PLXDC1: variants seen among roughly 807,000 people sequenced by gnomAD.
PLXDC1 encodes the protein plexin domain containing 1, also known as plexin domain-containing protein 1.
Under a neutral mutation model 61.3 loss-of-function variants are expected in PLXDC1, and 39 were observed. The observed-to-expected ratio is 0.64, with a 90% CI of 0.49 to 0.83. The LOEUF is 0.83. Among genes scored for constraint, PLXDC1 ranks in the 40% least tolerant of loss-of-function variants. The probability of loss-of-function intolerance (pLI) is 0.00; values close to 1 mark genes in which losing one functional copy is unlikely to be tolerated. For synonymous variants in PLXDC1, 212 were observed against 254.5 expected (o/e 0.83, Z 1.59); for missense variants, 596 against 666.5 (o/e 0.89, Z 1.17).
chr17:39,147,019 G>A (rs1199860838), intron 1 of PLXDC1, among the ~76,000 whole-genome samples: 1 of 132,198 alleles, frequency 7.6e-6, no homozygotes, highest in South Asian at 2.5e-4. Context: ...GTAGTGGCAC[G>A]ATCTCGGCTC....
chr17:39,110,137 A>G (rs1910748095), intron 2 of PLXDC1, among the ~76,000 whole-genome samples: 1 of 152,062 alleles, frequency 6.6e-6, no homozygotes, highest in Admixed American at 6.6e-5. Context: ...AAAGAAGGAG[A>G]AAAATCTGGA....
In PLXDC1 at chr17:39,150,874, A is replaced by G. The variant is rs1386617273; in HGVS notation, c.76+488T>C. Among the ~76,000 whole-genome samples, 38 of 152,342 alleles carry G rather than the reference A, an allele frequency of 2.5e-4. 1 individual carries two copies. The highest frequency in any genetic ancestry group is 2.9e-5 in the Non-Finnish European group (2 of 68,030). On this transcript the variant is annotated intron_variant, in intron 1 of 13. Coordinates refer to ENST00000315392, the MANE Select transcript of PLXDC1 (RefSeq NM_020405.5). ...CCGAATGGCTGCTGCCTTCCCAGGC[A>G]GAGACGCTGTGTCCCCACCATCCCC...
chr17:39,066,058 T>G lies in PLXDC1; in HGVS notation c.*1782A>C, dbSNP rs1211770089. 6.6e-6 allele frequency: 1 copy of G among 152,254 alleles called. No homozygotes were observed. Among genetic ancestry groups the G allele is most frequent in the Non-Finnish European group, 1.5e-5 (1 of 68,078 alleles). The allele number at this position is 152,254 out of a possible 1,614,324, so 9.4% of individuals were successfully genotyped here. A position where few individuals can be genotyped will look rare whatever the true frequency, so the allele number is the denominator to read the frequency against. ...GCTTTGCCTCTCAACAGAATCCACCTGCAGTTCCCTGCTAGGTATGTCTCA... is the reference window on the plus strand; with the variant it reads ...GCTTTGCCTCTCAACAGAATCCACCGGCAGTTCCCTGCTAGGTATGTCTCA... On this transcript the variant is annotated 3_prime_UTR_variant, in exon 14 of 14. Coordinates refer to ENST00000315392, the MANE Select transcript of PLXDC1 (RefSeq NM_020405.5).
intron 1 of PLXDC1, 36 bp from the exon 2 acceptor site, chr17:39,139,868 T>C: frequency 6.4e-7 from 1 of 1,562,744 alleles, no homozygotes; most frequent in Non-Finnish European, 8.7e-7. Context: ...GTGCCAGCAG[T>C]CCGGAATGAA....
At position 39,065,112 on chromosome 17, in the gene PLXDC1, C is replaced by CT. The variant is rs1420867911; in HGVS notation, c.*2727dup. 1.3e-5 allele frequency: 2 copies of CT among 152,218 alleles called. No individual in the cohort carries two copies. The highest frequency in any genetic ancestry group is 2.9e-5 in the Non-Finnish European group (2 of 68,062). The allele number at this position is 152,218 out of a possible 1,614,324, so 9.4% of individuals were successfully genotyped here. A position where few individuals can be genotyped will look rare whatever the true frequency, so the allele number is the denominator to read the frequency against. On this transcript the variant is annotated 3_prime_UTR_variant, in exon 14 of 14. Transcript: ENST00000315392. ...TGGTGATGCGGTGAAGCCTCTGCTG[C>CT]TAGCCCCTGCAGGCAGAGAAAGTTC...
intron 11 of PLXDC1, among the ~76,000 whole-genome samples, chr17:39,075,592 T>C (rs1431529685): frequency 2.0e-5 from 3 of 152,194 alleles, no homozygotes; most frequent in Non-Finnish European, 4.4e-5. Flanking sequence ...GATATAACAG[T>C]ATCAAGATCC....
At chr17:39,133,730 A>G (rs898769907) in intron 2 of PLXDC1, among the ~76,000 whole-genome samples, 8 of 152,084 alleles carry the variant, frequency 5.3e-5, no homozygotes, top group African/African-American at 1.7e-4. Flanking sequence ...GCGATCCTAC[A>G]GCCTCAGCAT....
chr17:39,125,331 T>A (rs1043346998), intron 2 of PLXDC1, among the ~76,000 whole-genome samples: 4 of 152,226 alleles, frequency 2.6e-5, no homozygotes, highest in African/African-American at 9.7e-5. Flanking sequence ...GGTAGAGAGA[T>A]GTCAGAGTGA....
At chr17:39,143,760 G>A (rs551184479) in intron 1 of PLXDC1, among the ~76,000 whole-genome samples, 14 of 152,240 alleles carry the variant, frequency 9.2e-5, no homozygotes, top group Non-Finnish European at 1.5e-4. Flanking sequence ...GCTGGAGCAC[G>A]TGGGGAGGAG....
intron 1 of PLXDC1, among the ~76,000 whole-genome samples, chr17:39,142,878 C>T (rs1357297557): frequency 6.6e-6 from 1 of 152,146 alleles, no homozygotes; most frequent in East Asian, 1.9e-4. Context: ...TGGCTCACAC[C>T]TATAATCCTA....
chr17:39,067,306 G>A lies in PLXDC1; in HGVS notation c.*534C>T, dbSNP rs1043374727. On this transcript the variant is annotated 3_prime_UTR_variant, in exon 14 of 14. Coordinates refer to ENST00000315392, the MANE Select transcript of PLXDC1 (RefSeq NM_020405.5). The stretch of plus-strand genomic sequence containing the variant: ...ATCTGGACACCAGCAAGGGTCCAGG[G>A]GAGGTTTGCAGAACTTCTTTGTCCT... The A allele has an allele frequency of 6.5e-6, 1 of 152,924 alleles. No individual in the cohort carries two copies. 9.5% of individuals were successfully genotyped at this position (152,924 alleles called of 1,614,324 possible).
At chr17:39,109,438 A>C in intron 2 of PLXDC1, 47 bp from the exon 3 acceptor site, 1 of 1,543,740 alleles carries the variant, frequency 6.5e-7, no homozygotes, top group Non-Finnish European at 8.8e-7. Flanking sequence ...AGTAGTCAGC[A>C]TGCCAGGACT....
At chr17:39,111,517 T>G (rs990044900) in intron 2 of PLXDC1, among the ~76,000 whole-genome samples, 1 of 152,142 alleles carries the variant, frequency 6.6e-6, no homozygotes, top group East Asian at 1.9e-4. Context: ...ACTCCTGACC[T>G]CAAGTGATCC....
At chr17:39,115,675 C>A (rs190616978) in intron 2 of PLXDC1, among the ~76,000 whole-genome samples, 1 of 151,974 alleles carries the variant, frequency 6.6e-6, no homozygotes, top group Non-Finnish European at 1.5e-5. Context: ...CATTTGGGAG[C>A]GTGGGAGGAA....
At chr17:39,078,535 A>AGGG (rs1909431458) in intron 10 of PLXDC1, among the ~76,000 whole-genome samples, 1 of 152,184 alleles carries the variant, frequency 6.6e-6, no homozygotes, top group Admixed American at 6.5e-5. Flanking sequence ...ATATAAAGGG[A>AGGG]GGGGGCAAAA....
rs879555393 is a variant in PLXDC1 at position 39,065,845 on chromosome 17, T to G, written c.*1995A>C. The stretch of plus-strand genomic sequence containing the variant: ...ACTTCACACACTGTGCACACCCATC[T>G]CAGGCAGCCGTAGACCCCTACGCCT... On this transcript the variant is annotated 3_prime_UTR_variant, in exon 14 of 14. Coordinates refer to ENST00000315392, the MANE Select transcript of PLXDC1 (RefSeq NM_020405.5). 1.3e-5 allele frequency: 2 copies of G among 152,320 alleles called. No individual in the cohort carries two copies. The highest frequency in any genetic ancestry group is 2.4e-5 in the African/African-American group (1 of 41,456). 9.4% of individuals were successfully genotyped at this position (152,320 alleles called of 1,614,324 possible). A position where few individuals can be genotyped will look rare whatever the true frequency, so the allele number is the denominator to read the frequency against.
intron 13 of PLXDC1, 55 bp from the exon 14 acceptor site, chr17:39,068,014 C>G (rs1376424501): frequency 9.5e-6 from 15 of 1,584,372 alleles, no homozygotes; most frequent in Admixed American, 1.7e-5. Context: ...CCATGGGGAC[C>G]CCACACTCCT....
intron 2 of PLXDC1, among the ~76,000 whole-genome samples, chr17:39,125,327 G>C (rs1279565920): frequency 2.0e-5 from 3 of 152,236 alleles, no homozygotes; most frequent in African/African-American, 4.8e-5. Context: ...CTGGGGTAGA[G>C]AGATGTCAGA....
intron 2 of PLXDC1, among the ~76,000 whole-genome samples, chr17:39,122,877 T>G (rs1911208431): frequency 6.6e-6 from 1 of 152,200 alleles, no homozygotes; most frequent in South Asian, 2.1e-4. Context: ...CCAACAAATC[T>G]TTCATAGAAG....
Sources: allele counts gnomAD v4.1 joint callset (sites outside exome capture counted in the v4.1 genomes callset), GRCh38; gene constraint gnomAD v4.1.1; transcripts MANE v1.5; gene names NCBI Gene and HGNC (gene_info 2026-07-23, HGNC 2026-07-21).